The following SORCS1 variants were observed in gnomAD, a reference collection of about 807,000 sequenced individuals.
SORCS1 encodes the protein sortilin related VPS10 domain containing receptor 1.
In SORCS1, 60 loss-of-function variants were observed where a neutral mutation model predicts 146.1. The observed-to-expected ratio is 0.41, with a 90% confidence interval of 0.33 to 0.51. The LOEUF (loss-of-function observed/expected upper bound fraction) is 0.51. Among genes scored for constraint, SORCS1 ranks in the 20% least tolerant of loss-of-function variants. The pLI is 0.21. For synonymous variants in SORCS1, 637 were observed against 584.0 expected, an observed-to-expected ratio of 1.09 and a Z score of -1.31; for missense variants, 1,352 against 1,487.6, an observed-to-expected ratio of 0.91 and a Z score of 1.50.
intron 14 of SORCS1, among the ~76,000 whole-genome samples, chr10:106,674,328 CAA>C (rs10658432): frequency 2.9e-4 from 8 of 27,372 alleles, no homozygotes; most frequent in South Asian, 5.3e-3. Context: ...GACTCCGTCT[CAA>C]AAAAAAAAAA....
At chr10:106,586,657 G>T (rs1845257107) in intron 24 of SORCS1, among the ~76,000 whole-genome samples, 3 of 152,268 alleles carry the variant, frequency 2.0e-5, no homozygotes, top group East Asian at 1.9e-4. Context: ...GGTGAAGAAA[G>T]AATTTATTAG....
chr10:107,044,115 A>T (rs989267739), intron 1 of SORCS1, among the ~76,000 whole-genome samples: 1 of 152,188 alleles, frequency 6.6e-6, no homozygotes, highest in African/African-American at 2.4e-5. Context: ...AAAGCCTGTG[A>T]TGGAGAACCA....
intron 1 of SORCS1, among the ~76,000 whole-genome samples, chr10:106,977,436 T>C (rs533418290): frequency 1.3e-5 from 2 of 152,304 alleles, no homozygotes; most frequent in South Asian, 4.1e-4. Context: ...ATTAGAATTT[T>C]GTCAGATGGG....
chr10:106,801,589 T>A (rs4918254), intron 3 of SORCS1, among the ~76,000 whole-genome samples: 3 of 145,892 alleles, frequency 2.1e-5, no homozygotes, highest in Admixed American at 1.4e-4. Context: ...AGTGCAGTGG[T>A]GGGATCTCGG....
chr10:107,180,544 G>C, the SORCS1 span, among the ~76,000 whole-genome samples: 1 of 151,782 alleles, frequency 6.6e-6, no homozygotes, highest in Non-Finnish European at 1.5e-5. Context: ...CTTCCTATGG[G>C]TTGTCAATTT....
At chr10:106,814,720 C>T (rs1187283084) in intron 3 of SORCS1, among the ~76,000 whole-genome samples, 1 of 151,920 alleles carries the variant, frequency 6.6e-6, no homozygotes, top group South Asian at 2.1e-4. Context: ...CGAGACCATC[C>T]TGGCTAACGT....
intron 1 of SORCS1, among the ~76,000 whole-genome samples, chr10:106,979,476 A>T (rs1956164509): frequency 6.6e-6 from 1 of 152,062 alleles, no homozygotes; most frequent in African/African-American, 2.4e-5. Context: ...CCTACAAATT[A>T]TTAGCCCTCA....
At chr10:106,948,487 A>G (rs1411030544) in intron 2 of SORCS1, among the ~76,000 whole-genome samples, 1 of 151,988 alleles carries the variant, frequency 6.6e-6, no homozygotes, top group East Asian at 1.9e-4. Context: ...AGTCTGGGCA[A>G]CAAGGTGAGG....
At chr10:106,598,663 T>C (rs1846054892) in intron 23 of SORCS1, among the ~76,000 whole-genome samples, 1 of 152,242 alleles carries the variant, frequency 6.6e-6, no homozygotes, top group Non-Finnish European at 1.5e-5. Context: ...AGATGCTTTC[T>C]GACCATCATT....
intron 1 of SORCS1, among the ~76,000 whole-genome samples, chr10:107,111,352 T>C (rs1965686417): frequency 6.6e-6 from 1 of 152,016 alleles, no homozygotes; most frequent in African/African-American, 2.4e-5. Context: ...AATAAAAAGT[T>C]TAATAAAGAA....
chr10:106,937,724 G>A (rs1953815214), intron 2 of SORCS1, among the ~76,000 whole-genome samples: 1 of 152,118 alleles, frequency 6.6e-6, no homozygotes, highest in Non-Finnish European at 1.5e-5. Flanking sequence ...AGCACTTTGG[G>A]GGGCTGAGGC....
chr10:107,156,226 C>G (rs1691300012), intron 1 of SORCS1, among the ~76,000 whole-genome samples: 1 of 152,154 alleles, frequency 6.6e-6, no homozygotes, highest in Admixed American at 6.5e-5. Context: ...TAAACTTATA[C>G]AAAAATAAAC....
intron 3 of SORCS1, among the ~76,000 whole-genome samples, chr10:106,777,562 C>T (rs986129560): frequency 3.3e-5 from 5 of 152,172 alleles, no homozygotes; most frequent in Non-Finnish European, 7.4e-5. Context: ...AAGTTGGTTG[C>T]TCTGCACAGT....
chr10:106,989,748 G>A (rs1439405634), intron 1 of SORCS1, among the ~76,000 whole-genome samples: 12 of 140,576 alleles, frequency 8.5e-5, no homozygotes, highest in African/African-American at 1.7e-4. Flanking sequence ...GTGCAGTGGC[G>A]CGATCTCGGT....
chr10:107,086,452 AAAT>A lies in SORCS1; in HGVS notation c.558+77514_558+77516del, dbSNP rs577439593. On this transcript the variant is annotated intron_variant, in intron 1 of 25. Transcript: ENST00000263054. ...AATTATCCTATATTGCTTATATTTCAAATAATAAATTTATCAAACTATAAATAA... is the reference window on the plus strand; with the variant it reads ...AATTATCCTATATTGCTTATATTTCAAATAAATTTATCAAACTATAAATAA... Among the ~76,000 whole-genome samples, 22 of 152,358 alleles carry A rather than the reference AAAT, an allele frequency of 1.4e-4. No individual in the cohort carries two copies. The East Asian group carries it at 4.2e-3, about 29-fold the overall frequency.
the SORCS1 span, among the ~76,000 whole-genome samples, chr10:107,179,350 T>A: frequency 6.6e-5 from 10 of 152,226 alleles, no homozygotes; most frequent in Non-Finnish European, 1.5e-4. Context: ...CATTCCACAA[T>A]GCATACATGT....
At chr10:107,142,874 G>A (rs1326431299) in intron 1 of SORCS1, among the ~76,000 whole-genome samples, 1 of 152,194 alleles carries the variant, frequency 6.6e-6, no homozygotes, top group Non-Finnish European at 1.5e-5. Context: ...CAGGAAATTT[G>A]TGATGGAACT....
intron 5 of SORCS1, among the ~76,000 whole-genome samples, chr10:106,750,453 G>A (rs1211377139): frequency 6.6e-6 from 1 of 152,012 alleles, no homozygotes; most frequent in Non-Finnish European, 1.5e-5. Flanking sequence ...AGGAGGGGCC[G>A]GGCGCAGTGG....
chr10:106,732,130 A>G (rs1161338147), intron 5 of SORCS1, among the ~76,000 whole-genome samples: 1 of 152,208 alleles, frequency 6.6e-6, no homozygotes, highest in Non-Finnish European at 1.5e-5. Context: ...CGCTGTCAAT[A>G]AGTTTTCTCT....
Sources: allele counts gnomAD v4.1 joint callset (sites outside exome capture counted in the v4.1 genomes callset), GRCh38; gene constraint gnomAD v4.1.1; transcripts MANE v1.5; gene names NCBI Gene and HGNC (gene_info 2026-07-23, HGNC 2026-07-21).